The following PSD2 variants were observed in gnomAD, a reference collection of about 807,000 sequenced individuals.
PSD2 encodes the protein PH and SEC7 domain-containing protein 2.
Under a neutral mutation model 69.8 loss-of-function variants are expected in PSD2, and 38 were observed. The observed-to-expected ratio is 0.54, with a 90% CI of 0.42 to 0.71. PSD2 has a LOEUF of 0.71. Among genes scored for constraint, PSD2 ranks in the 30% least tolerant of loss-of-function variants. PSD2 has a pLI of 0.00. For missense variants in PSD2, 943 were observed against 1,014.5 expected (o/e 0.93, Z 0.96); for synonymous variants, 412 against 423.0 (o/e 0.97, Z 0.32).
rs1292993502 is a variant in PSD2, at chr5:139,795,999, G to T, written c.-51+24G>T. The T allele has an allele frequency of 6.6e-6, 1 of 150,916 alleles. No homozygotes were observed. Among genetic ancestry groups the T allele is most frequent in the Non-Finnish European group, 1.5e-5 (1 of 67,646 alleles). 9.3% of individuals were successfully genotyped at this position (150,916 alleles called of 1,614,324 possible). ...CGGTGAGTGGGGCCGCGGGGCTCCGGGACCCGCCCCTCCCCGCTGGCGGCC... is the reference window on the plus strand; with the variant it reads ...CGGTGAGTGGGGCCGCGGGGCTCCGTGACCCGCCCCTCCCCGCTGGCGGCC... On this transcript the variant is annotated intron_variant, in intron 1 of 14. Coordinates refer to ENST00000274710, the MANE Select transcript of PSD2 (RefSeq NM_032289.4). The surrounding 1 kb of genome is among the most constrained non-coding windows in gnomAD (Gnocchi z 4.5).
At chr5:139,842,236 G>A in intron 14 of PSD2, 35 bp from the exon 15 acceptor site, 1 of 1,578,036 alleles carries the variant, frequency 6.3e-7, no homozygotes, top group Admixed American at 1.7e-5. Context: ...TTCCTATTTT[G>A]TTGTCTTTTG....
chr5:139,798,826 CAT>C (rs1344269537), intron 1 of PSD2, among the ~76,000 whole-genome samples: 1 of 152,204 alleles, frequency 6.6e-6, no homozygotes, highest in Non-Finnish European at 1.5e-5. Context: ...TTTAACCTAA[CAT>C]GTAGTCCATA....
chr5:139,807,193 G>A (rs1759830629), intron 1 of PSD2, among the ~76,000 whole-genome samples: 1 of 152,216 alleles, frequency 6.6e-6, no homozygotes, highest in Admixed American at 6.5e-5. Flanking sequence ...CAGCCCCTAG[G>A]TATGTGTAGG....
intron 7 of PSD2, among the ~76,000 whole-genome samples, chr5:139,828,425 T>C (rs1215009752): frequency 5.9e-5 from 9 of 152,172 alleles, no homozygotes; most frequent in African/African-American, 2.2e-4. Context: ...GCGAAGCGCA[T>C]TGGGGCTGGA....
the PSD2 span, chr5:139,772,535 C>T: frequency 6.6e-6 from 1 of 152,610 alleles, no homozygotes; most frequent in Non-Finnish European, 1.5e-5. Flanking sequence ...TTTCATCTCT[C>T]CTCCTCGTCC....
chr5:139,831,029 TAAA>T, intron 7 of PSD2, among the ~76,000 whole-genome samples: 1 of 152,094 alleles, frequency 6.6e-6, no homozygotes, highest in East Asian at 1.9e-4. Flanking sequence ...AGAGCAGTGT[TAAA>T]ATCTCCAGCC....
At chr5:139,790,082 G>A in the PSD2 span, among the ~76,000 whole-genome samples, 1 of 152,084 alleles carries the variant, frequency 6.6e-6, no homozygotes, top group Non-Finnish European at 1.5e-5. Context: ...GGTCAGAGGA[G>A]TGGTGGGGGC....
the PSD2 span, among the ~76,000 whole-genome samples, chr5:139,788,171 C>T: frequency 2.6e-5 from 3 of 114,532 alleles, no homozygotes; most frequent in South Asian, 9.6e-4. Flanking sequence ...AGAGCCCGCC[C>T]CCCCCGCGCC....
rs752492545 is a variant in PSD2 at position 139,837,217 on chromosome 5, G to A, written c.1644G>A (p.Gly548=). Residue 548 remains glycine, a synonymous_variant, in exon 11 of 15, where the codon GGG becomes GGA. Transcript: ENST00000274710. This position sits in a 1 kb window ranked among gnomAD's most constrained non-coding sequence, Gnocchi z 5.0. ...AGAAATTCTACGCAGTGCTCAAAGG[G>A]ACCATCCTGTACCTGCAGAAGGTGA... ...GWKKFYAVLK[G]TILYLQKDEY... is the part of the protein sequence containing the mutation. 1 of 1,613,998 alleles carries A rather than the reference G, an allele frequency of 6.2e-7. No individual in the cohort carries two copies. Among genetic ancestry groups the A allele is most frequent in the Middle Eastern group, 1.7e-4 (1 of 6,060 alleles).
chr5:139,792,921 T>TTTTC (rs1173221075), upstream of PSD2, among the ~76,000 whole-genome samples: 13 of 142,362 alleles, frequency 9.1e-5, no homozygotes, highest in East Asian at 4.0e-4. Flanking sequence ...TTTCTTTCTT[T>TTTTC]TTTCTTTCTT....
At chr5:139,744,573 C>T in the PSD2 span, among the ~76,000 whole-genome samples, 3 of 152,174 alleles carry the variant, frequency 2.0e-5, no homozygotes, top group East Asian at 5.8e-4. Flanking sequence ...GAGGGATTAT[C>T]TCAGCTTCTC....
chr5:139,812,078 T>C (rs1759981949), intron 2 of PSD2, among the ~76,000 whole-genome samples: 1 of 152,200 alleles, frequency 6.6e-6, no homozygotes, highest in Admixed American at 6.5e-5. Flanking sequence ...GTCATCTATG[T>C]GCGATGCTCT....
chr5:139,798,464 C>T (rs1236412519), intron 1 of PSD2, among the ~76,000 whole-genome samples: 1 of 152,210 alleles, frequency 6.6e-6, no homozygotes, highest in Non-Finnish European at 1.5e-5. Context: ...AATGTCCTCT[C>T]CTCTGACTCC....
At position 139,844,169 on chromosome 5, in the gene PSD2, T is replaced by C. The variant is rs1760943734; in HGVS notation, c.*1695T>C. 1 of 152,248 alleles carries C rather than the reference T, an allele frequency of 6.6e-6. No individual in the cohort carries two copies. Among genetic ancestry groups the C allele is most frequent in the Non-Finnish European group, 1.5e-5 (1 of 68,054 alleles). The allele number at this position is 152,248 out of a possible 1,614,324, so 9.4% of individuals were successfully genotyped here. A position where few individuals can be genotyped will look rare whatever the true frequency, so the allele number is the denominator to read the frequency against. On this transcript the variant is annotated 3_prime_UTR_variant, in exon 15 of 15. Transcript: ENST00000274710. Reference sequence around the variant, plus strand: ...AGAGCTCTCTGTACTTTCCCCATGCTGCCTCAAAAGTTCTGTGAGTTTCGG... The same window carrying C: ...AGAGCTCTCTGTACTTTCCCCATGCCGCCTCAAAAGTTCTGTGAGTTTCGG...
chr5:139,804,987 ATG>A lies in PSD2; in HGVS notation c.-50-4396_-50-4395del, dbSNP rs753407211. Among the ~76,000 whole-genome samples, 6 of 146,622 alleles carry A rather than the reference ATG, an allele frequency of 4.1e-5. No individual in the cohort carries two copies. The East Asian group carries it at 6.0e-4, about 15-fold the overall frequency. On this transcript the variant is annotated intron_variant, in intron 1 of 14. Transcript: ENST00000274710. ...TGTGCGTGTGTGCGTGCGTGTGTGC[ATG>A]TGTGTGTCTCTGTGTGTGTGTGAGT... is the stretch of plus-strand genomic sequence containing the variant.
chr5:139,754,490 C>T, the PSD2 span, among the ~76,000 whole-genome samples: 2 of 151,004 alleles, frequency 1.3e-5, no homozygotes, highest in African/African-American at 2.4e-5. Flanking sequence ...CTCAGGAGTT[C>T]GAGCTCCAGC....
the PSD2 span, among the ~76,000 whole-genome samples, chr5:139,774,864 C>G: frequency 6.6e-6 from 1 of 152,232 alleles, no homozygotes; most frequent in South Asian, 2.1e-4. Flanking sequence ...AGGGGAGGGA[C>G]GGGGCCTGAT....
At position 139,837,856 on chromosome 5, in the gene PSD2, C is replaced by T. The variant is rs78471494; in HGVS notation, c.1823+74C>T. On this transcript the variant is annotated intron_variant, in intron 12 of 14. Transcript: ENST00000274710. This position sits in a 1 kb window ranked among gnomAD's most constrained non-coding sequence, Gnocchi z 5.0. The stretch of plus-strand genomic sequence containing the variant: ...AGTGACCCGGCACACAACCCCTCTC[C>T]TTCCCGTGAGTCAGCAACAGAGCAT... The T allele has an allele frequency of 3.5e-6, 5 of 1,446,166 alleles. No individual in the cohort carries two copies. Among genetic ancestry groups the T allele is most frequent in the Non-Finnish European group, 3.8e-6 (4 of 1,057,282 alleles). The allele number at this position is 1,446,166 out of a possible 1,614,324, so 89.6% of individuals were successfully genotyped here.
the PSD2 span, chr5:139,775,615 CCTAAATGAACTCATCTGCAGGGGA>C: frequency 6.6e-6 from 1 of 152,416 alleles, no homozygotes; most frequent in African/African-American, 2.4e-5. Flanking sequence ...AGTGCCCCAC[CCTAAATGAACTCATCTGCAGGGGA>C]GGGAGTTTCT....
Sources: allele counts gnomAD v4.1 joint callset (sites outside exome capture counted in the v4.1 genomes callset), GRCh38; gene constraint gnomAD v4.1.1; non-coding constraint Gnocchi (gnomAD v3.1); transcripts MANE v1.5; gene names NCBI Gene and HGNC (gene_info 2026-07-23, HGNC 2026-07-21).